CFAP46: variants seen among roughly 807,000 people sequenced by gnomAD.
CFAP46 encodes cilia- and flagella-associated protein 46.
Under a neutral mutation model 325.7 loss-of-function variants are expected in CFAP46, and 245 were observed. That is an observed-to-expected ratio of 0.75 (90% confidence interval 0.68 to 0.84). The LOEUF is 0.84. Ranked by LOEUF, CFAP46 falls within the 40% of genes least tolerant of loss-of-function variation. The pLI is 0.00. For missense variants in CFAP46, 3,346 were observed against 3,543.0 expected (o/e 0.94, Z 1.41); for synonymous variants, 1,523 against 1,495.9 (o/e 1.02, Z -0.42).
intron 44 of CFAP46, among the ~76,000 whole-genome samples, chr10:132,842,464 C>A (rs2135068024): frequency 6.6e-6 from 1 of 152,298 alleles, no homozygotes; most frequent in South Asian, 2.1e-4. Flanking sequence ...TCCAGGCAGG[C>A]CCTCACCAGA....
At chr10:132,872,911 C>T in intron 31 of CFAP46, 87 bp from the exon 32 acceptor site, 1 of 1,439,810 alleles carries the variant, frequency 6.9e-7, no homozygotes, top group Non-Finnish European at 9.5e-7. Flanking sequence ...AACTCCCTCC[C>T]TCCCCATGCC....
chr10:132,922,988 G>A (rs532778801), intron 11 of CFAP46, among the ~76,000 whole-genome samples: 50 of 152,378 alleles, frequency 3.3e-4, no homozygotes, highest in Middle Eastern at 3.4e-3. Flanking sequence ...AAGACTGCCC[G>A]GCTCTCTGCC....
intron 24 of CFAP46, among the ~76,000 whole-genome samples, chr10:132,893,484 G>A (rs1161076949): frequency 6.6e-6 from 1 of 152,214 alleles, no homozygotes; most frequent in Non-Finnish European, 1.5e-5. Flanking sequence ...GAGGTGGGAA[G>A]TGCACTGGCA....
intron 41 of CFAP46, among the ~76,000 whole-genome samples, chr10:132,848,046 C>T (rs1004328487): frequency 2.0e-5 from 3 of 151,988 alleles, no homozygotes; most frequent in Non-Finnish European, 4.4e-5. Context: ...ACGGAGCACA[C>T]GCCGTTCAGA....
At chr10:132,857,529 G>C in intron 39 of CFAP46, 61 bp downstream of exon 39, 1 of 1,531,370 alleles carries the variant, frequency 6.5e-7, no homozygotes, top group South Asian at 1.2e-5. Flanking sequence ...GTAAGTTACA[G>C]TGGGGTTTAT....
rs1486424810 is a variant in CFAP46, at chr10:132,826,696, G to C, written c.7117+6662C>G. Among the ~76,000 whole-genome samples, 4 of 149,240 alleles carry C rather than the reference G, an allele frequency of 2.7e-5. No homozygotes were observed. In the East Asian group the frequency reaches 7.9e-4, roughly 30 times the overall value. ...CGGAGCCACGGAGACCAGCCACGGAGCCAGGCAGGAGCCGGAGCCACAGAG... is the reference window on the plus strand; with the variant it reads ...CGGAGCCACGGAGACCAGCCACGGACCCAGGCAGGAGCCGGAGCCACAGAG... On this transcript the variant is annotated intron_variant, in intron 50 of 57. Transcript: ENST00000368586.
intron 32 of CFAP46, among the ~76,000 whole-genome samples, chr10:132,870,290 A>C (rs994406029): frequency 6.6e-6 from 1 of 152,076 alleles, no homozygotes; most frequent in Non-Finnish European, 1.5e-5. Context: ...AAGACACAGA[A>C]ATTTTGAAAT....
chr10:132,853,135 C>T (rs1011515271), intron 39 of CFAP46, among the ~76,000 whole-genome samples: 5 of 152,160 alleles, frequency 3.3e-5, no homozygotes, highest in African/African-American at 7.2e-5. Flanking sequence ...TCGTCCTTAT[C>T]GAAAGGGGGC....
Position 132,884,994 on chromosome 10 carries a change from C to T in CFAP46, c.3627+109G>A. The stretch of plus-strand genomic sequence containing the variant: ...TCTCTGTGCCCGTCAGCTGTGGCTG[C>T]TCTGCGTGCTGCCCCACACCAGGTC... On this transcript the variant is annotated intron_variant, in intron 27 of 57. Transcript: ENST00000368586. This position sits in a 1 kb window ranked among gnomAD's most constrained non-coding sequence, Gnocchi z 5.4. The T allele has an allele frequency of 8.2e-7, 1 of 1,212,300 alleles. No individual in the cohort carries two copies. The highest frequency in any genetic ancestry group is 1.1e-6 in the Non-Finnish European group (1 of 885,424). The allele number at this position is 1,212,300 out of a possible 1,614,324, so 75.1% of individuals were successfully genotyped here.
In CFAP46 at chr10:132,834,658, C is replaced by G. The variant is rs1848207595; in HGVS notation, c.6862G>C (p.Ala2288Pro). The change falls in exon 48 of 58, where the codon GCC (alanine) becomes CCC (proline). Residue 2288 changes from alanine to proline, a missense_variant. By Grantham distance (27) the Ala-to-Pro change is conservative. Transcript: ENST00000368586. ...CCTCAACGTCATCCCCAGTACCTGG[C>G]CTTGGAGAGGCTGAGCAGGGGGAAT... ...PLFPLLSLSKARVQTPAVVAD... is the reference protein window; with the variant it reads ...PLFPLLSLSKPRVQTPAVVAD... 4 of 1,613,176 alleles carry G rather than the reference C, an allele frequency of 2.5e-6. No individual in the cohort carries two copies. Among genetic ancestry groups the G allele is most frequent in the Admixed American group, 1.7e-5 (1 of 59,994 alleles).
At chr10:132,890,404 A>G (rs1045663405) in intron 25 of CFAP46, among the ~76,000 whole-genome samples, 5 of 152,340 alleles carry the variant, frequency 3.3e-5, no homozygotes, top group Non-Finnish European at 5.9e-5. Flanking sequence ...CACCCTGGAC[A>G]CATCCTTGCT....
chr10:132,853,896 CT>C (rs1342038716), intron 39 of CFAP46, among the ~76,000 whole-genome samples: 1 of 152,046 alleles, frequency 6.6e-6, no homozygotes, highest in Non-Finnish European at 1.5e-5. Context: ...TTTATGTCAT[CT>C]TTTTTTTCTG....
At chr10:132,830,176 C>T (rs555029144) in intron 50 of CFAP46, among the ~76,000 whole-genome samples, 2 of 151,818 alleles carry the variant, frequency 1.3e-5, no homozygotes, top group South Asian at 4.2e-4. Context: ...TGGAGTCTCG[C>T]TCTGTCACCC....
At chr10:132,821,387 T>G (rs1291110978) in intron 50 of CFAP46, among the ~76,000 whole-genome samples, 5 of 125,010 alleles carry the variant, frequency 4.0e-5, no homozygotes, top group Admixed American at 7.8e-5. Context: ...TGTGCACTGA[T>G]GTGTGCTGTG....
chr10:132,838,870 C>T (rs1300222224), intron 44 of CFAP46, among the ~76,000 whole-genome samples: 1 of 152,260 alleles, frequency 6.6e-6, no homozygotes, highest in Admixed American at 6.5e-5. Context: ...CCCCCATCCC[C>T]GTCTCATCCC....
Position 132,814,274 on chromosome 10 carries a change from G to T in CFAP46, c.7286-20C>A. The T allele has an allele frequency of 6.3e-7, 1 of 1,584,624 alleles. No individual in the cohort carries two copies. The highest frequency in any genetic ancestry group is 8.7e-7 in the Non-Finnish European group (1 of 1,154,242). ...GCATTTCTGCAAGGAGAACAGGGTGGATACAGACCACGGTGTTTCATCAGA... is the reference window on the plus strand; with the variant it reads ...GCATTTCTGCAAGGAGAACAGGGTGTATACAGACCACGGTGTTTCATCAGA... On this transcript the variant is annotated intron_variant, in intron 53 of 57. Coordinates refer to ENST00000368586, the MANE Select transcript of CFAP46 (RefSeq NM_001200049.3).
chr10:132,877,001 A>T lies in CFAP46; in HGVS notation c.4213-40T>A. 1 of 1,537,612 alleles carries T rather than the reference A, an allele frequency of 6.5e-7. No individual in the cohort carries two copies. Among genetic ancestry groups the T allele is most frequent in the Non-Finnish European group, 8.8e-7 (1 of 1,139,610 alleles). The stretch of plus-strand genomic sequence containing the variant: ...ATACAGGATTTACCTGAAACGGTGG[A>T]GGTGAAACAGCAGACACCCCCGGCC... On this transcript the variant is annotated intron_variant, in intron 30 of 57. Transcript: ENST00000368586. This position sits in a 1 kb window ranked among gnomAD's most constrained non-coding sequence, Gnocchi z 5.7.
chr10:132,937,391 T>G (rs934923633), intron 6 of CFAP46, 161 bp downstream of exon 6: 11 of 781,266 alleles, frequency 1.4e-5, no homozygotes, highest in Non-Finnish European at 1.8e-5. Flanking sequence ...TTGGATGAAC[T>G]GCTATTTCTT....
In CFAP46 at chr10:132,909,226, T is replaced by C. The variant is rs1217089533; in HGVS notation, c.2668A>G (p.Ser890Gly). ...TEEQGTNEDVSSVTRVLVALE... is the reference protein window; with the variant it reads ...TEEQGTNEDVGSVTRVLVALE... ...GCAACGAGGACTCTGGTCACCGAGC[T>C]GACATCCTCATTGGTGCCCTGGTGG... is the stretch of plus-strand genomic sequence containing the variant. Residue 890 changes from serine to glycine, a missense_variant, in exon 21 of 58, where the codon AGC becomes GGC. Transcript: ENST00000368586. 1 of 1,550,234 alleles carries C rather than the reference T, an allele frequency of 6.5e-7. No individual in the cohort carries two copies. Among genetic ancestry groups the C allele is most frequent in the Non-Finnish European group, 8.7e-7 (1 of 1,146,940 alleles).
Sources: gnomAD v4.1 joint callset for allele counts (sites outside exome capture counted in the v4.1 genomes callset) on GRCh38, gnomAD v4.1.1 for gene constraint, Gnocchi (gnomAD v3.1) non-coding constraint, MANE v1.5 for transcripts, NCBI Gene and HGNC (gene_info 2026-07-23, HGNC 2026-07-21) for gene names.